Variants in SPEF2 observed in about 807,000 individuals in gnomAD.
SPEF2 encodes sperm flagella and cilia-associated protein 2.
SPEF2 carries 187 observed loss-of-function variants against 224.6 expected under a neutral mutation model. That is an observed-to-expected ratio of 0.83 (90% CI 0.74 to 0.94). The LOEUF (loss-of-function observed/expected upper bound fraction) is 0.94, where lower values mean the gene tolerates loss of function less well. SPEF2 is among the 40% of genes least tolerant of loss of function. SPEF2 has a pLI of 0.00. For synonymous variants in SPEF2, 715 were observed against 707.3 expected (o/e 1.01, Z -0.17); for missense variants, 2,170 against 2,135.6 (o/e 1.02, Z -0.32).
chr5:35,773,644 C>T (rs1158815409), intron 27 of SPEF2, among the ~76,000 whole-genome samples: 3 of 152,068 alleles, frequency 2.0e-5, no homozygotes, highest in Non-Finnish European at 4.4e-5. Context: ...TGCTACATAC[C>T]TTATTTTTTA....
intron 6 of SPEF2, among the ~76,000 whole-genome samples, chr5:35,653,807 C>T (rs888526524): frequency 1.3e-5 from 2 of 150,828 alleles, no homozygotes; most frequent in African/African-American, 2.4e-5. Context: ...ATTAGCCGGG[C>T]GTGGTGGCGT....
intron 1 of SPEF2, among the ~76,000 whole-genome samples, chr5:35,620,473 A>G (rs1743348251): frequency 6.6e-6 from 1 of 152,228 alleles, no homozygotes; most frequent in South Asian, 2.1e-4. Context: ...TATTAAATGT[A>G]AAGCATTTAA....
intron 30 of SPEF2, chr5:35,791,406 T>C (rs944977602): frequency 2.0e-5 from 3 of 152,186 alleles, no homozygotes; most frequent in African/African-American, 7.2e-5. Flanking sequence ...GAGGAAATGA[T>C]AAAGTTCATG....
At chr5:35,802,752 C>A (rs1402464224) in intron 34 of SPEF2, among the ~76,000 whole-genome samples, 1 of 152,110 alleles carries the variant, frequency 6.6e-6, no homozygotes, top group Non-Finnish European at 1.5e-5. Flanking sequence ...GGCTAGCCAG[C>A]AGAGCTGGAG....
intron 18 of SPEF2, among the ~76,000 whole-genome samples, chr5:35,708,644 G>GCCATCAC (rs1740411153): frequency 2.7e-3 from 2 of 752 alleles, no homozygotes; most frequent in South Asian, 0.029. Flanking sequence ...ACCTCTACCA[G>GCCATCAC]CACCTCCACC....
rs1738448683 is a variant in SPEF2, at chr5:35,700,746, A to G, written c.2392A>G (p.Ile798Val). The G allele has an allele frequency of 1.2e-6, 2 of 1,613,432 alleles. No homozygotes were observed. The highest frequency in any genetic ancestry group is 2.2e-5 in the East Asian group (1 of 44,864). ...DTSSMSRMND[I>V]IAEELSYKTA... ...TTCCTCAATGAGTCGCATGAATGAT[A>G]TTATAGGTAAGCTGGACACCTTTTT... Residue 798 changes from isoleucine to valine, a missense_variant, in exon 16 of 37, where the codon ATT becomes GTT. Physicochemically the swap from Ile to Val is conservative, Grantham distance 29 (BLOSUM62 3). Coordinates refer to ENST00000356031, the MANE Select transcript of SPEF2 (RefSeq NM_024867.4).
Position 35,751,067 on chromosome 5 carries a change from G to A in SPEF2, c.3331-2557G>A, listed in dbSNP as rs368001129. On this transcript the variant is annotated intron_variant, in intron 23 of 36. Transcript: ENST00000356031. ...TGTATATATATATACGTATATATAT[G>A]TATATATATATACACACACACACAC... 4.7e-3 allele frequency among the ~76,000 whole-genome samples: 89 copies of A among 19,044 alleles called. 3 individuals are homozygous for A. The highest frequency in any genetic ancestry group is 0.026 in the Middle Eastern group (1 of 38). The allele number at this position is 19,044 out of a possible 152,430, so 12.5% of individuals were successfully genotyped here.
At chr5:35,680,230 G>T (rs1752596818) in intron 10 of SPEF2, among the ~76,000 whole-genome samples, 1 of 152,158 alleles carries the variant, frequency 6.6e-6, no homozygotes, top group Non-Finnish European at 1.5e-5. Flanking sequence ...AAAAAGAAAT[G>T]CCTTAATTTA....
At chr5:35,636,368 G>C (rs967762498) in intron 2 of SPEF2, among the ~76,000 whole-genome samples, 1 of 152,212 alleles carries the variant, frequency 6.6e-6, no homozygotes, top group African/African-American at 2.4e-5. Flanking sequence ...ACATCTCAAA[G>C]TCAGCCAAAG....
chr5:35,669,494 G>A (rs904446170), intron 9 of SPEF2, among the ~76,000 whole-genome samples: 1 of 151,996 alleles, frequency 6.6e-6, no homozygotes, highest in Non-Finnish European at 1.5e-5. Context: ...TTTCATTTAT[G>A]TACGCAATTA....
intron 1 of SPEF2, among the ~76,000 whole-genome samples, chr5:35,621,808 T>G (rs1743558743): frequency 6.6e-6 from 1 of 152,186 alleles, no homozygotes; most frequent in South Asian, 2.1e-4. Flanking sequence ...TCAAAGCTAA[T>G]ATGTGCTGTG....
intron 16 of SPEF2, among the ~76,000 whole-genome samples, chr5:35,701,371 C>A (rs1050667552): frequency 6.6e-6 from 1 of 152,130 alleles, no homozygotes; most frequent in Non-Finnish European, 1.5e-5. Context: ...TTGTTCTAAG[C>A]CTTGGTGTCA....
intron 1 of SPEF2, among the ~76,000 whole-genome samples, chr5:35,626,367 G>C (rs576377933): frequency 6.6e-6 from 1 of 152,290 alleles, no homozygotes; most frequent in Admixed American, 6.5e-5. Flanking sequence ...TGGTCTGTTT[G>C]TGGAAAAGCT....
intron 30 of SPEF2, among the ~76,000 whole-genome samples, chr5:35,784,327 G>A (rs1416159010): frequency 2.6e-5 from 4 of 151,852 alleles, no homozygotes; most frequent in African/African-American, 4.8e-5. Context: ...ACAAGGTTTC[G>A]CCATGTTAGC....
Position 35,670,242 on chromosome 5 carries a change from G to A in SPEF2, c.1524+15G>A. 6.4e-7 allele frequency: 1 copy of A among 1,574,778 alleles called. No homozygotes were observed. The highest frequency in any genetic ancestry group is 1.2e-5 in the South Asian group (1 of 83,030). On this transcript the variant is annotated intron_variant, in intron 10 of 36. Transcript: ENST00000356031. ...AAGAATATAAGGTACCTACTGATAT[G>A]AAATAATTAGAATGCTACATAATAA...
chr5:35,699,393 A>G (rs1227713247), intron 15 of SPEF2: 1 of 152,250 alleles, frequency 6.6e-6, no homozygotes, highest in Non-Finnish European at 1.5e-5. Context: ...TAAAACAATA[A>G]TTATTCAACA....
chr5:35,755,887 G>T (rs1428882251), intron 24 of SPEF2, among the ~76,000 whole-genome samples: 1 of 152,130 alleles, frequency 6.6e-6, no homozygotes, highest in Non-Finnish European at 1.5e-5. Context: ...TGGGATTACA[G>T]GAGTGAGCCA....
rs367724262 is a variant in SPEF2, at chr5:35,736,878, G to T, written c.3064-3041G>T. Among the ~76,000 whole-genome samples the T allele has an allele frequency of 5.4e-4, 81 of 151,026 alleles. 4 individuals carry two copies. The South Asian group carries it at 8.9e-3, about 17-fold the overall frequency. ...TAATAAGCAGATGTTATTTTTCTTT[G>T]GCCCCTCAGAAACTTCACAAAATGC... On this transcript the variant is annotated intron_variant, in intron 21 of 36. Transcript: ENST00000356031.
chr5:35,739,888 G>A (rs2149689820), intron 21 of SPEF2, 31 bp from the exon 22 acceptor site: 1 of 1,606,782 alleles, frequency 6.2e-7, no homozygotes, highest in East Asian at 2.2e-5. Flanking sequence ...TCATTTTGAA[G>A]TAACAGTTTC....
Sources: allele counts gnomAD v4.1 joint callset (sites outside exome capture counted in the v4.1 genomes callset), GRCh38; gene constraint gnomAD v4.1.1; transcripts MANE v1.5; gene names NCBI Gene and HGNC (gene_info 2026-07-23, HGNC 2026-07-21).